PCSK6: variants seen among roughly 807,000 people sequenced by gnomAD.
The protein encoded by PCSK6 is paired basic amino acid cleaving enzyme 4.
Under a neutral mutation model 123.3 loss-of-function variants are expected in PCSK6, and 85 were observed. The observed-to-expected ratio is 0.69, with a 90% confidence interval of 0.58 to 0.83. The LOEUF is 0.83. PCSK6 is among the 40% of genes least tolerant of loss of function. PCSK6 has a pLI of 0.00. For synonymous variants in PCSK6, 508 were observed against 516.0 expected, an observed-to-expected ratio of 0.98 and a Z score of 0.21; for missense variants, 1,191 against 1,282.3, an observed-to-expected ratio of 0.93 and a Z score of 1.09.
chr15:101,381,174 C>A (rs7174060), intron 11 of PCSK6, among the ~76,000 whole-genome samples: 1,860 of 152,062 alleles, frequency 0.012, 29 homozygotes, highest in African/African-American at 0.031. Flanking sequence ...CCAGCCTGGC[C>A]AAGATGGTGA....
chr15:101,379,690 G>A (rs1162188393), intron 11 of PCSK6, among the ~76,000 whole-genome samples: 1 of 152,196 alleles, frequency 6.6e-6, no homozygotes, highest in Non-Finnish European at 1.5e-5. Context: ...CACGGAGAGG[G>A]GGCAGTTAGA....
chr15:101,312,995 A>T, intron 20 of PCSK6: 1 of 1,161,538 alleles, frequency 8.6e-7, no homozygotes, highest in Non-Finnish European at 1.1e-6. Flanking sequence ...ACAGAGTGAG[A>T]GTGTGTCTCC....
intron 1 of PCSK6, among the ~76,000 whole-genome samples, chr15:101,487,207 C>A (rs765274282): frequency 1.3e-5 from 2 of 152,212 alleles, no homozygotes; most frequent in Non-Finnish European, 2.9e-5. Context: ...CGTGAGTAAT[C>A]ACACACAAGC....
At chr15:101,487,921 GTGTGTATA>G (rs2141284828) in intron 1 of PCSK6, among the ~76,000 whole-genome samples, 1 of 152,252 alleles carries the variant, frequency 6.6e-6, no homozygotes, top group African/African-American at 2.4e-5. Flanking sequence ...GTATATGTAT[GTGTGTATA>G]TGTGTATATA....
chr15:101,311,016 A>C (rs1319179915), intron 20 of PCSK6, among the ~76,000 whole-genome samples: 1 of 152,098 alleles, frequency 6.6e-6, no homozygotes, highest in South Asian at 2.1e-4. Context: ...TGTTTGGATC[A>C]TGGGGTGGAT....
At chr15:101,363,722 C>T (rs1438792500) in intron 13 of PCSK6, among the ~76,000 whole-genome samples, 8 of 151,944 alleles carry the variant, frequency 5.3e-5, no homozygotes, top group South Asian at 2.1e-4. Context: ...CTCCGCCTCC[C>T]GGGTTCAAGC....
chr15:101,436,289 AGCGGTCCAGGGGTCCCACAC>A (rs1567220203), intron 2 of PCSK6, among the ~76,000 whole-genome samples: 5 of 152,132 alleles, frequency 3.3e-5, no homozygotes, highest in Non-Finnish European at 7.4e-5. Flanking sequence ...ACCCTCCCCC[AGCGGTCCAGGGGTCCCACAC>A]AGCATCAAGG....
chr15:101,369,639 T>A (rs2041515177), intron 12 of PCSK6, among the ~76,000 whole-genome samples: 1 of 152,370 alleles, frequency 6.6e-6, no homozygotes, highest in African/African-American at 2.4e-5. Flanking sequence ...CCCTGGCCCC[T>A]CTTAAGTTCC....
intron 11 of PCSK6, among the ~76,000 whole-genome samples, chr15:101,379,036 T>C (rs1458598269): frequency 6.6e-6 from 1 of 152,198 alleles, no homozygotes. Flanking sequence ...TGGGGCAGCG[T>C]TGGAGACAGC....
At chr15:101,479,756 G>A (rs1027239506) in intron 1 of PCSK6, among the ~76,000 whole-genome samples, 1 of 152,184 alleles carries the variant, frequency 6.6e-6, no homozygotes, top group Non-Finnish European at 1.5e-5. Flanking sequence ...TATCCAACAC[G>A]AGGCAGCCCC....
chr15:101,439,404 T>C (rs2056695725), intron 2 of PCSK6, among the ~76,000 whole-genome samples: 1 of 152,248 alleles, frequency 6.6e-6, no homozygotes, highest in East Asian at 1.9e-4. Context: ...CTAGCAGCCA[T>C]GCCACTAGAA....
chr15:101,482,421 G>A (rs1015713106), intron 1 of PCSK6, among the ~76,000 whole-genome samples: 7 of 152,214 alleles, frequency 4.6e-5, no homozygotes, highest in African/African-American at 9.6e-5. Context: ...AGTACAACCC[G>A]GAAGCCCTCC....
At chr15:101,474,827 A>T (rs370843387) in intron 1 of PCSK6, among the ~76,000 whole-genome samples, 5 of 151,988 alleles carry the variant, frequency 3.3e-5, no homozygotes, top group African/African-American at 4.8e-5. Context: ...GCTCCCCACC[A>T]CTGCCTACCC....
chr15:101,481,047 C>T (rs533546512), intron 1 of PCSK6, among the ~76,000 whole-genome samples: 4 of 152,312 alleles, frequency 2.6e-5, no homozygotes, highest in South Asian at 2.1e-4. Flanking sequence ...CAGCAATACT[C>T]GCTGAATAAA....
At chr15:101,437,037 A>T (rs1361014298) in intron 2 of PCSK6, among the ~76,000 whole-genome samples, 3 of 152,208 alleles carry the variant, frequency 2.0e-5, no homozygotes, top group Admixed American at 2.0e-4. Context: ...CCAGAACTGT[A>T]TGCAAAATGG....
intron 1 of PCSK6, among the ~76,000 whole-genome samples, chr15:101,469,898 C>G (rs2057562373): frequency 6.6e-6 from 1 of 152,216 alleles, no homozygotes; most frequent in African/African-American, 2.4e-5. Flanking sequence ...TAGTCTGACT[C>G]CAAGGCCTGA....
At chr15:101,482,612 A>C (rs1011856822) in intron 1 of PCSK6, among the ~76,000 whole-genome samples, 7 of 152,186 alleles carry the variant, frequency 4.6e-5, no homozygotes, top group African/African-American at 1.7e-4. Flanking sequence ...GACAGCCCTG[A>C]GTGTCCCTGT....
At chr15:101,323,769 G>A (rs2040187427) in intron 17 of PCSK6, among the ~76,000 whole-genome samples, 2 of 151,812 alleles carry the variant, frequency 1.3e-5, no homozygotes, top group Non-Finnish European at 2.9e-5. Flanking sequence ...TTATTTGATG[G>A]CTTTATACGT....
In PCSK6 at chr15:101,318,310, T is replaced by G. The variant is rs1596174974; in HGVS notation, c.2569+9A>C. On this transcript the variant is annotated intron_variant, in intron 19 of 21. Coordinates refer to ENST00000611716, the MANE Select transcript of PCSK6 (RefSeq NM_002570.5). The stretch of plus-strand genomic sequence containing the variant: ...GCTGGCCCGAGGCCTCCGCAGGCGG[T>G]GAACTCACCCACGCAGGTTCCGCAG... 6.5e-7 allele frequency: 1 copy of G among 1,548,772 alleles called. No individual in the cohort carries two copies. The highest frequency in any genetic ancestry group is 8.7e-7 in the Non-Finnish European group (1 of 1,143,834).
Sources: allele counts gnomAD v4.1 joint callset (sites outside exome capture counted in the v4.1 genomes callset), GRCh38; gene constraint gnomAD v4.1.1; transcripts MANE v1.5; gene names NCBI Gene and HGNC (gene_info 2026-07-23, HGNC 2026-07-21).